The following ZNF451 variants were observed in gnomAD, a reference collection of about 807,000 sequenced individuals.
The protein encoded by ZNF451 is E3 SUMO-protein ligase ZNF451.
ZNF451 carries 80 observed loss-of-function variants against 107.1 expected under a neutral mutation model. The observed-to-expected ratio is 0.75, with a 90% CI of 0.62 to 0.90. The LOEUF (loss-of-function observed/expected upper bound fraction) is 0.90, where lower values mean the gene tolerates loss of function less well. ZNF451 is among the 40% of genes least tolerant of loss of function. The pLI, the probability that ZNF451 is intolerant of heterozygous loss-of-function variation, is 0.00. For missense variants in ZNF451, 1,107 were observed against 1,236.2 expected, an observed-to-expected ratio of 0.90 and a Z score of 1.57; for synonymous variants, 362 against 406.5, an observed-to-expected ratio of 0.89 and a Z score of 1.32.
chr6:57,165,985 GTA>G (rs2127989703), intron 14 of ZNF451: 1 of 152,154 alleles, frequency 6.6e-6, no homozygotes, highest in Admixed American at 6.5e-5. Context: ...GGATGTTACT[GTA>G]CTCTACTGTA....
chr6:57,121,699 A>C (rs1403115725), intron 3 of ZNF451, among the ~76,000 whole-genome samples: 1 of 152,176 alleles, frequency 6.6e-6, no homozygotes, highest in Non-Finnish European at 1.5e-5. Context: ...TCTACGAGGA[A>C]AACTATAAAA....
chr6:57,103,492 C>T, intron 3 of ZNF451: 2 of 985,328 alleles, frequency 2.0e-6, no homozygotes, highest in Non-Finnish European at 2.4e-6. Context: ...TTATATGTCC[C>T]ACAGTATCTT....
Position 57,147,452 on chromosome 6 carries a change from A to G in ZNF451, c.1367A>G (p.His456Arg), listed in dbSNP as rs1832123896. ...AAGATGAATTTAAAAGATAAAAGCC[A>G]TGAAGGTGTTGCTTGTGTCCAGAAA... is the stretch of plus-strand genomic sequence containing the variant. ...KKKMNLKDKS[H>R]EGVACVQKEK... The change falls in exon 10 of 15, where the codon CAT becomes CGT. Residue 456 changes from histidine to arginine, a missense_variant. By Grantham distance (29) the His-to-Arg change is conservative (BLOSUM62 0). Around this residue, in one of 5 missense-constraint regions of ZNF451, gnomAD observed 608 missense variants for 649.2 expected, o/e 0.94. Coordinates refer to ENST00000370706, the MANE Select transcript of ZNF451 (RefSeq NM_001031623.3). 3 of 1,614,044 alleles carry G rather than the reference A, an allele frequency of 1.9e-6. No individual in the cohort carries two copies. Among genetic ancestry groups the G allele is most frequent in the African/African-American group, 1.3e-5 (1 of 74,944 alleles).
intron 3 of ZNF451, among the ~76,000 whole-genome samples, chr6:57,123,640 C>T (rs2127958810): frequency 6.6e-6 from 1 of 151,984 alleles, no homozygotes; most frequent in Middle Eastern, 3.4e-3. Flanking sequence ...GTAACAAACC[C>T]TCACATGTAC....
At position 57,161,210 on chromosome 6, in the gene ZNF451, A is replaced by AT. The variant is rs1763659993; in HGVS notation, c.3139+61dup. On this transcript the variant is annotated intron_variant, in intron 14 of 14. Coordinates refer to ENST00000370706, the MANE Select transcript of ZNF451 (RefSeq NM_001031623.3). Reference sequence around the variant, plus strand: ...GACTGTATCTGTATTTTTTTTTTAAATTTCTCTGTCTCTCACCCATTCACC... The same window carrying AT: ...GACTGTATCTGTATTTTTTTTTTAAATTTTCTCTGTCTCTCACCCATTCACC... 39 of 1,067,586 alleles carry AT rather than the reference A, an allele frequency of 3.7e-5. No individual in the cohort carries two copies. In the Middle Eastern group the frequency reaches 1.1e-3, roughly 30 times the overall value. 66.1% of individuals were successfully genotyped at this position (1,067,586 alleles called of 1,614,324 possible).
intron 7 of ZNF451, among the ~76,000 whole-genome samples, chr6:57,138,735 ATATATATGTGTGTGTGTGTGTGTGTG>A (rs1831582481): frequency 9.5e-6 from 1 of 105,006 alleles, no homozygotes; most frequent in African/African-American, 4.2e-5. Flanking sequence ...ATATATATAT[ATATATATGTGTGTGTGTGTGTGTGTG>A]TGTGTGTGTG....
intron 14 of ZNF451, 49 bp from the exon 15 acceptor site, chr6:57,168,374 T>C (rs1763993600): frequency 2.4e-6 from 3 of 1,271,912 alleles, no homozygotes; most frequent in African/African-American, 3.0e-5. Context: ...ATACAGCACA[T>C]GTTGAGTTTT....
chr6:57,151,644 C>T (rs1052863824), intron 11 of ZNF451, among the ~76,000 whole-genome samples: 9 of 152,278 alleles, frequency 5.9e-5, no homozygotes, highest in Admixed American at 5.9e-4. Flanking sequence ...CCATAACTGC[C>T]TCTTCGGTTC....
intron 11 of ZNF451, chr6:57,151,831 G>A: frequency 6.3e-6 from 1 of 157,532 alleles, no homozygotes; most frequent in South Asian, 2.0e-4. Context: ...ACCTGGATAA[G>A]TTAGCCAGTA....
intron 3 of ZNF451, among the ~76,000 whole-genome samples, chr6:57,123,871 C>A (rs770864528): frequency 3.3e-5 from 5 of 152,078 alleles, no homozygotes; most frequent in Non-Finnish European, 5.9e-5. Context: ...AACCTTGTAT[C>A]CTGCAACCTT....
At chr6:57,131,582 A>C (rs1355628183) in intron 5 of ZNF451, among the ~76,000 whole-genome samples, 1 of 152,226 alleles carries the variant, frequency 6.6e-6, no homozygotes, top group Non-Finnish European at 1.5e-5. Flanking sequence ...TTGTTGTCAG[A>C]ACATATTTAT....
intron 13 of ZNF451, among the ~76,000 whole-genome samples, chr6:57,156,319 G>A (rs898060915): frequency 1.3e-5 from 2 of 152,066 alleles, no homozygotes; most frequent in African/African-American, 4.8e-5. Context: ...CATTTTCTTG[G>A]ATAACTTTTA....
chr6:57,138,684 G>C (rs146327830), intron 7 of ZNF451, among the ~76,000 whole-genome samples: 212 of 120,668 alleles, frequency 1.8e-3, no homozygotes, highest in Non-Finnish European at 3.0e-3. Flanking sequence ...CCAGTTTGTA[G>C]AATGTATTTG....
intron 13 of ZNF451, chr6:57,158,462 T>G: frequency 1.1e-6 from 1 of 945,504 alleles, no homozygotes; most frequent in Non-Finnish European, 1.3e-6. Context: ...CAATTAGCAT[T>G]CTAATTTCTT....
chr6:57,152,434 T>TA, intron 12 of ZNF451, 83 bp downstream of exon 12: 1 of 1,496,994 alleles, frequency 6.7e-7, no homozygotes, highest in East Asian at 2.3e-5. Flanking sequence ...TAATGAGACT[T>TA]ATAGATCATT....
rs1386711581 is a variant in ZNF451, at chr6:57,147,502, T to C, written c.1417T>C (p.Phe473Leu). The C allele has an allele frequency of 6.2e-7, 1 of 1,614,150 alleles. No homozygotes were observed. The highest frequency in any genetic ancestry group is 8.5e-7 in the Non-Finnish European group (1 of 1,180,004). Reference protein sequence around the residue: ...QKEKSVVKTWFCECNQRFPSE... With the variant: ...QKEKSVVKTWLCECNQRFPSE... ...AGAAAAATCAGTAGTTAAAACCTGG[T>C]TCTGTGAATGCAATCAGCGATTCCC... Residue 473 changes from phenylalanine (F) to leucine (L), a missense_variant, in exon 10 of 15, where the codon TTC (phenylalanine) becomes CTC (leucine). Around this residue, in one of 5 missense-constraint regions of ZNF451, gnomAD observed 608 missense variants for 649.2 expected, o/e 0.94. Transcript: ENST00000370706.
intron 12 of ZNF451, 53 bp from the exon 13 acceptor site, chr6:57,153,807 GT>G: frequency 6.4e-7 from 1 of 1,573,994 alleles, no homozygotes. Context: ...GATGTAACTT[GT>G]TTTGAAACTC....
At chr6:57,153,628 G>A (rs1306353154) in intron 12 of ZNF451, among the ~76,000 whole-genome samples, 1 of 152,070 alleles carries the variant, frequency 6.6e-6, no homozygotes, top group East Asian at 1.9e-4. Context: ...GGCCGGGCTG[G>A]TCTCGAACTC....
At chr6:57,119,116 C>CT (rs927618193) in intron 3 of ZNF451, among the ~76,000 whole-genome samples, 1 of 152,174 alleles carries the variant, frequency 6.6e-6, no homozygotes, top group Non-Finnish European at 1.5e-5. Context: ...GTCATACCTG[C>CT]TGTTTGACTT....
Sources: gnomAD v4.1 joint callset for allele counts (sites outside exome capture counted in the v4.1 genomes callset) on GRCh38, gnomAD v4.1.1 for gene constraint, gnomAD v4.1.1 regional missense constraint, MANE v1.5 for transcripts, NCBI Gene and HGNC (gene_info 2026-07-23, HGNC 2026-07-21) for gene names.